Variants in DPP10 observed in about 807,000 individuals in gnomAD.
DPP10 encodes dipeptidyl peptidase like 10, also known as inactive dipeptidyl peptidase 10.
DPP10 carries 33 observed loss-of-function variants against 120.9 expected under a neutral mutation model. That is an observed-to-expected ratio of 0.27 (90% CI 0.21 to 0.37). The LOEUF is 0.37. Ranked by LOEUF, DPP10 falls within the 10% of genes least tolerant of loss-of-function variation. The probability of loss-of-function intolerance (pLI) is 1.00; values close to 1 mark genes in which losing one functional copy is unlikely to be tolerated. For synonymous variants in DPP10, 337 were observed against 326.1 expected (o/e 1.03, Z -0.36); for missense variants, 816 against 942.8 (o/e 0.87, Z 1.76).
chr2:115,679,696 A>G (rs1386592080), intron 5 of DPP10, among the ~76,000 whole-genome samples: 1 of 152,224 alleles, frequency 6.6e-6, no homozygotes, highest in Non-Finnish European at 1.5e-5. Flanking sequence ...ATTTGCATCA[A>G]CATGGATAAA....
At chr2:114,491,632 C>T (rs1376490148) in intron 1 of DPP10, among the ~76,000 whole-genome samples, 1 of 152,138 alleles carries the variant, frequency 6.6e-6, no homozygotes, top group Non-Finnish European at 1.5e-5. Context: ...AGGCATTCTC[C>T]ACCAGATACT....
At chr2:115,014,862 C>CAA (rs144688918) in intron 1 of DPP10, among the ~76,000 whole-genome samples, 5,588 of 118,464 alleles carry the variant, frequency 0.047, 181 homozygotes, top group Middle Eastern at 0.067. Context: ...GCCTACCAAC[C>CAA]AAAAAAAAAA....
At chr2:115,300,900 G>A (rs2061096720) in intron 1 of DPP10, among the ~76,000 whole-genome samples, 1 of 151,912 alleles carries the variant, frequency 6.6e-6, no homozygotes, top group Admixed American at 6.6e-5. Context: ...TTCTTTATAT[G>A]CCTTGTGATC....
At chr2:115,408,132 C>T (rs1255257952) in intron 3 of DPP10, among the ~76,000 whole-genome samples, 2 of 152,050 alleles carry the variant, frequency 1.3e-5, no homozygotes, top group African/African-American at 4.8e-5. Flanking sequence ...TGGCTTTCAA[C>T]CATGTTCACA....
intron 5 of DPP10, among the ~76,000 whole-genome samples, chr2:115,645,638 A>G (rs1203344238): frequency 1.3e-5 from 2 of 152,118 alleles, no homozygotes; most frequent in Non-Finnish European, 2.9e-5. Flanking sequence ...CCTTATTATA[A>G]AAAAAATTAT....
intron 1 of DPP10, among the ~76,000 whole-genome samples, chr2:114,770,505 T>A (rs1270158804): frequency 5.3e-5 from 8 of 152,132 alleles, no homozygotes; most frequent in Non-Finnish European, 1.2e-4. Flanking sequence ...GGATCCCAAC[T>A]TTTGCAAAAT....
At chr2:115,225,986 T>C (rs1198898070) in intron 1 of DPP10, among the ~76,000 whole-genome samples, 1 of 152,106 alleles carries the variant, frequency 6.6e-6, no homozygotes, top group African/African-American at 2.4e-5. Flanking sequence ...ATCATTTCCA[T>C]CAAAACTCTA....
intron 1 of DPP10, among the ~76,000 whole-genome samples, chr2:114,485,176 ATTG>A (rs1477143500): frequency 2.0e-5 from 3 of 152,134 alleles, no homozygotes; most frequent in Admixed American, 6.6e-5. Flanking sequence ...AAGAGCTTGC[ATTG>A]TTGTCGTTGT....
At chr2:115,217,494 TA>T (rs755185500) in intron 1 of DPP10, among the ~76,000 whole-genome samples, 1 of 152,250 alleles carries the variant, frequency 6.6e-6, no homozygotes, top group Non-Finnish European at 1.5e-5. Context: ...AATAATTGGC[TA>T]TGCATCGATC....
At chr2:115,263,585 T>C (rs1376058542) in intron 1 of DPP10, among the ~76,000 whole-genome samples, 2 of 139,364 alleles carry the variant, frequency 1.4e-5, no homozygotes, top group African/African-American at 2.5e-5. Context: ...ATATGTGCTA[T>C]TCTGTCTTTT....
At chr2:115,009,798 CAA>C (rs1443201200) in intron 1 of DPP10, among the ~76,000 whole-genome samples, 2 of 151,958 alleles carry the variant, frequency 1.3e-5, no homozygotes, top group Admixed American at 1.3e-4. Context: ...ATGGATATCC[CAA>C]GTTACACTAA....
intron 24 of DPP10, among the ~76,000 whole-genome samples, chr2:115,840,192 G>T (rs144079699): frequency 1.7e-4 from 25 of 151,086 alleles, no homozygotes; most frequent in African/African-American, 5.8e-4. Context: ...ACACCATTCT[G>T]TAGAGTAAGT....
At chr2:115,839,283 C>A (rs111609890) in intron 24 of DPP10, among the ~76,000 whole-genome samples, 1 of 152,144 alleles carries the variant, frequency 6.6e-6, no homozygotes, top group African/African-American at 2.4e-5. Flanking sequence ...ATTTTACATT[C>A]TCTGCTGTGT....
intron 1 of DPP10, among the ~76,000 whole-genome samples, chr2:114,959,715 T>A (rs1698471717): frequency 1.3e-5 from 2 of 152,198 alleles, no homozygotes; most frequent in Admixed American, 6.5e-5. Context: ...GTTCTCCACA[T>A]TTTCATCAGC....
At chr2:114,847,070 A>G (rs543551232) in intron 1 of DPP10, among the ~76,000 whole-genome samples, 7 of 152,174 alleles carry the variant, frequency 4.6e-5, no homozygotes, top group African/African-American at 1.4e-4. Flanking sequence ...ATCATATCAT[A>G]TCATATCATA....
intron 1 of DPP10, among the ~76,000 whole-genome samples, chr2:114,506,980 C>T (rs559692389): frequency 1.3e-5 from 2 of 152,242 alleles, no homozygotes; most frequent in African/African-American, 4.8e-5. Flanking sequence ...TGACTAGCAT[C>T]CTGCAATGGT....
At chr2:114,982,500 TG>T (rs1310931412) in intron 1 of DPP10, among the ~76,000 whole-genome samples, 1 of 152,178 alleles carries the variant, frequency 6.6e-6, no homozygotes, top group Non-Finnish European at 1.5e-5. Flanking sequence ...AATGACTAAT[TG>T]TAGGAAGTAC....
At chr2:114,645,308 T>C (rs1696032977) in intron 1 of DPP10, among the ~76,000 whole-genome samples, 1 of 152,192 alleles carries the variant, frequency 6.6e-6, no homozygotes, top group Non-Finnish European at 1.5e-5. Context: ...GTGTCCTAAG[T>C]TGGGCCCTAA....
chr2:115,486,242 G>T (rs368156685), intron 3 of DPP10, among the ~76,000 whole-genome samples: 40,882 of 151,752 alleles, frequency 0.27, 6,378 homozygotes, highest in East Asian at 0.41. Context: ...ATAAGGGTGA[G>T]AAAACTTGCT....
Sources: allele counts gnomAD v4.1 joint callset (sites outside exome capture counted in the v4.1 genomes callset), GRCh38; gene constraint gnomAD v4.1.1; transcripts MANE v1.5; gene names NCBI Gene and HGNC (gene_info 2026-07-23, HGNC 2026-07-21).